The following SYNCRIP variants were observed in gnomAD, a reference collection of about 807,000 sequenced individuals.
SYNCRIP encodes the protein synaptotagmin binding cytoplasmic RNA interacting protein.
In SYNCRIP, 9 loss-of-function variants were observed where a neutral mutation model predicts 68.9. That is an observed-to-expected ratio of 0.13 (90% confidence interval 0.08 to 0.23). The LOEUF (loss-of-function observed/expected upper bound fraction) is 0.23, where lower values mean the gene tolerates loss of function less well. Ranked by LOEUF, SYNCRIP falls within the 10% of genes least tolerant of loss-of-function variation. The probability of loss-of-function intolerance (pLI) is 1.00; values close to 1 mark genes in which losing one functional copy is unlikely to be tolerated. For synonymous variants in SYNCRIP, 258 were observed against 254.0 expected, an observed-to-expected ratio of 1.02 and a Z score of -0.15; for missense variants, 414 against 770.6, an observed-to-expected ratio of 0.54 and a Z score of 5.48.
At chr6:85,635,958 T>C (rs1226756926) in intron 6 of SYNCRIP, among the ~76,000 whole-genome samples, 3 of 152,096 alleles carry the variant, frequency 2.0e-5, no homozygotes, top group Admixed American at 6.5e-5. Context: ...GTAAGCCAGA[T>C]AAAGCAAATT....
rs911790229 is a variant in SYNCRIP at position 85,621,465 on chromosome 6, T to G, written c.1008+1017A>C. Reference sequence around the variant, plus strand: ...CCTCTACAAAATTTTTTAAAAAAATTAGCCAGGTGTGGTAGTACACACCTG... The same window carrying G: ...CCTCTACAAAATTTTTTAAAAAAATGAGCCAGGTGTGGTAGTACACACCTG... On this transcript the variant is annotated intron_variant, in intron 8 of 10. Coordinates refer to ENST00000369622, the MANE Select transcript of SYNCRIP (RefSeq NM_006372.5). Among the ~76,000 whole-genome samples, 4 of 152,150 alleles carry G rather than the reference T, an allele frequency of 2.6e-5. No individual in the cohort carries two copies. The East Asian group carries it at 7.7e-4, about 29-fold the overall frequency.
chr6:85,633,784 A>G (rs1175670644), intron 6 of SYNCRIP, among the ~76,000 whole-genome samples: 1 of 151,864 alleles, frequency 6.6e-6, no homozygotes, highest in Admixed American at 6.6e-5. Flanking sequence ...TCCTGGGACC[A>G]CAGGTGCACG....
At position 85,619,367 on chromosome 6, in the gene SYNCRIP, A is replaced by T. The variant is rs745594279; in HGVS notation, c.1059T>A (p.Ile353=). ...CAAACTGACTAAATGCCTTTTCTAA[A>T]ATCTCTTCTGTTACAGTATTGGCAA... is the stretch of plus-strand genomic sequence containing the variant. The part of the protein sequence containing the change: ...RNLANTVTEE[I]LEKAFSQFGK... The change falls in exon 9 of 11, where the codon ATT becomes ATA. Residue 353 remains isoleucine, a synonymous_variant. Transcript: ENST00000369622. 5 of 1,613,982 alleles carry T rather than the reference A, an allele frequency of 3.1e-6. No homozygotes were observed. The highest frequency in any genetic ancestry group is 3.4e-6 in the Non-Finnish European group (4 of 1,180,000).
intron 10 of SYNCRIP, among the ~76,000 whole-genome samples, chr6:85,616,596 C>T (rs565088288): frequency 3.9e-5 from 6 of 152,054 alleles, no homozygotes; most frequent in African/African-American, 1.2e-4. Flanking sequence ...GATCTGCCCA[C>T]CTCAGCCTCC....
downstream of SYNCRIP, among the ~76,000 whole-genome samples, chr6:85,613,813 C>A (rs558593213): frequency 6.6e-6 from 1 of 152,128 alleles, no homozygotes; most frequent in South Asian, 2.1e-4. Context: ...GTCAAGAGGG[C>A]AATATACTCA....
Position 85,614,633 on chromosome 6 carries a change from T to C in SYNCRIP, c.*123A>G. 1.5e-6 allele frequency: 2 copies of C among 1,373,232 alleles called. No individual in the cohort carries two copies. Among genetic ancestry groups the C allele is most frequent in the Non-Finnish European group, 9.4e-7 (1 of 1,062,308 alleles). The allele number at this position is 1,373,232 out of a possible 1,614,324, so 85.1% of individuals were successfully genotyped here. ...GCTTTGTTCGTGTCCAAGCGGATTGTTAAAATATATACATAAAGGGAAATC... is the reference window on the plus strand; with the variant it reads ...GCTTTGTTCGTGTCCAAGCGGATTGCTAAAATATATACATAAAGGGAAATC... On this transcript the variant is annotated 3_prime_UTR_variant, in exon 11 of 11. Transcript: ENST00000369622.
downstream of SYNCRIP, chr6:85,612,746 G>C: frequency 2.3e-6 from 2 of 853,372 alleles, no homozygotes; most frequent in Non-Finnish European, 3.4e-6. Context: ...TCCCGTATTT[G>C]ATTCCATGAT....
intron 4 of SYNCRIP, among the ~76,000 whole-genome samples, chr6:85,639,080 C>T (rs115471981): frequency 0.016 from 2,422 of 152,210 alleles, 62 homozygotes; most frequent in African/African-American, 0.054. Context: ...TGGTGGCACC[C>T]ACCGGTAGTC....
intron 2 of SYNCRIP, among the ~76,000 whole-genome samples, 154 bp downstream of exon 2, chr6:85,641,138 C>T (rs977779686): frequency 6.6e-6 from 1 of 152,120 alleles, no homozygotes; most frequent in African/African-American, 2.4e-5. Context: ...TACATCTTAA[C>T]CTCTACTTCA....
chr6:85,615,124 C>T lies in SYNCRIP; in HGVS notation c.1504G>A (p.Gly502Arg). Reference sequence around the variant, plus strand: ...CTGGATGGAGCAGCACCCCTTGCTCCTCTACCACCCCTTCCTCTAGCTCCA... The same window carrying T: ...CTGGATGGAGCAGCACCCCTTGCTCTTCTACCACCCCTTCCTCTAGCTCCA... Reference protein sequence around the residue: ...QVGARGRGGRGARGAAPSRGR... With the variant: ...QVGARGRGGRRARGAAPSRGR... Residue 502 changes from glycine (G) to arginine (R), a missense_variant, in exon 11 of 11, where the codon GGA becomes AGA. Physicochemically the swap from Gly to Arg is moderately radical, Grantham distance 125. Transcript: ENST00000369622. 7 of 1,614,084 alleles carry T rather than the reference C, an allele frequency of 4.3e-6. No individual in the cohort carries two copies. The highest frequency in any genetic ancestry group is 5.9e-6 in the Non-Finnish European group (7 of 1,180,030).
Position 85,624,068 on chromosome 6 carries a change from G to A in SYNCRIP, c.711C>T (p.Cys237=), listed in dbSNP as rs1421310982. 5.0e-6 allele frequency: 8 copies of A among 1,613,682 alleles called. No homozygotes were observed. Among genetic ancestry groups the A allele is most frequent in the Middle Eastern group, 1.6e-4 (1 of 6,080 alleles). The part of the protein sequence containing the change: ...EIRSGKHIGV[C]ISVANNRLFV... ...AAAGCCTATTGTTGGCAACTGAGATGCAGACACCAATATGTTTTCCAGAAC... is the reference window on the plus strand; with the variant it reads ...AAAGCCTATTGTTGGCAACTGAGATACAGACACCAATATGTTTTCCAGAAC... The change falls in exon 7 of 11, where the codon TGC becomes TGT. Residue 237 remains cysteine, a synonymous_variant. Coordinates refer to ENST00000369622, the MANE Select transcript of SYNCRIP (RefSeq NM_006372.5).
intron 10 of SYNCRIP, among the ~76,000 whole-genome samples, chr6:85,617,316 TTTAG>T (rs1204153799): frequency 6.6e-6 from 1 of 152,200 alleles, no homozygotes; most frequent in Non-Finnish European, 1.5e-5. Flanking sequence ...CCACCTTCTA[TTTAG>T]TATCTCCCTC....
At chr6:85,626,721 C>T (rs1807079198) in intron 6 of SYNCRIP, among the ~76,000 whole-genome samples, 1 of 152,174 alleles carries the variant, frequency 6.6e-6, no homozygotes, top group Non-Finnish European at 1.5e-5. Context: ...ATAGGCAACA[C>T]TTCCATTAAC....
chr6:85,618,531 ACT>A (rs1806040771), intron 10 of SYNCRIP, among the ~76,000 whole-genome samples: 1 of 151,854 alleles, frequency 6.6e-6, no homozygotes, highest in African/African-American at 2.4e-5. Context: ...ACAAAGTGAG[ACT>A]CTGTCACCCA....
downstream of SYNCRIP, chr6:85,612,813 G>C: frequency 6.6e-7 from 1 of 1,526,138 alleles, no homozygotes; most frequent in Non-Finnish European, 8.8e-7. Context: ...ACATATTTAA[G>C]GTTGCTTGAT....
chr6:85,629,917 G>C (rs550725899), intron 6 of SYNCRIP, among the ~76,000 whole-genome samples: 2 of 151,868 alleles, frequency 1.3e-5, no homozygotes, highest in African/African-American at 4.8e-5. Flanking sequence ...CCAGGAGACA[G>C]AGGTTGCAGT....
chr6:85,632,144 A>C (rs1484145613), intron 6 of SYNCRIP, among the ~76,000 whole-genome samples: 1 of 152,216 alleles, frequency 6.6e-6, no homozygotes, highest in African/African-American at 2.4e-5. Flanking sequence ...GTCCACATAC[A>C]AATATAAAGT....
downstream of SYNCRIP, chr6:85,609,341 C>G (rs1174628750): frequency 6.6e-6 from 1 of 151,888 alleles, no homozygotes; most frequent in African/African-American, 2.4e-5. Context: ...AAAAGCTGTT[C>G]TGAATGTGTC....
chr6:85,614,788 A>G lies in SYNCRIP; in HGVS notation c.1840T>C (p.Tyr614His), dbSNP rs1236698255. 1 of 1,609,208 alleles carries G rather than the reference A, an allele frequency of 6.2e-7. No individual in the cohort carries two copies. The highest frequency in any genetic ancestry group is 8.5e-7 in the Non-Finnish European group (1 of 1,178,158). ...YGYKSENQEF[Y>H]QDTFGQQWK ...CACTGTTGCCCAAAAGTATCCTGAT[A>G]AAACTCCTGGTTTTCAGATTTGTAA... The change falls in exon 11 of 11, where the codon TAT becomes CAT. Residue 614 changes from tyrosine to histidine, a missense_variant. By Grantham distance (83) the Tyr-to-His change is moderately conservative. Around this residue, in one of 6 missense-constraint regions of SYNCRIP, gnomAD observed 130 missense variants for 149.0 expected, o/e 0.87. Transcript: ENST00000369622.
Sources: allele counts gnomAD v4.1 joint callset (sites outside exome capture counted in the v4.1 genomes callset), GRCh38; gene constraint gnomAD v4.1.1; regional missense constraint gnomAD v4.1.1; transcripts MANE v1.5; gene names NCBI Gene and HGNC (gene_info 2026-07-23, HGNC 2026-07-21).